SGCZ: variants seen among roughly 807,000 people sequenced by gnomAD.
SGCZ encodes the protein sarcoglycan zeta, also known as zeta-sarcoglycan.
In SGCZ, 40 loss-of-function variants were observed where a neutral mutation model predicts 41.3. The observed-to-expected ratio is 0.97, with a 90% confidence interval of 0.75 to 1.26. The LOEUF is 1.26. Ranked by LOEUF, SGCZ falls within the 50% of genes most tolerant of loss-of-function variation. The pLI is 0.00. For missense variants in SGCZ, 552 were observed against 369.8 expected, an observed-to-expected ratio of 1.49 and a Z score of -4.04; for synonymous variants, 206 against 137.5, an observed-to-expected ratio of 1.50 and a Z score of -3.49.
intron 2 of SGCZ, among the ~76,000 whole-genome samples, chr8:14,419,469 A>G (rs1319756756): frequency 6.6e-6 from 1 of 151,730 alleles, no homozygotes; most frequent in Non-Finnish European, 1.5e-5. Context: ...ATCCTCTATG[A>G]GATTTTTTGT....
At chr8:14,520,211 T>C (rs982713878) in intron 2 of SGCZ, among the ~76,000 whole-genome samples, 38 of 152,018 alleles carry the variant, frequency 2.5e-4, no homozygotes, top group African/African-American at 9.2e-4. Flanking sequence ...TAAAACAAAA[T>C]ATTATTTTTT....
At position 14,814,674 on chromosome 8, in the gene SGCZ, G is replaced by A. The variant is rs1156600983; in HGVS notation, c.40-259748C>T. Among the ~76,000 whole-genome samples the A allele has an allele frequency of 2.6e-5, 4 of 152,240 alleles. No individual in the cohort carries two copies. The East Asian group carries it at 7.7e-4, about 29-fold the overall frequency. ...TGGGAATGAATTTCTTGCCAGCTCGGCAGGTAGGAACTTGGAGAATTTTTT... is the reference window on the plus strand; with the variant it reads ...TGGGAATGAATTTCTTGCCAGCTCGACAGGTAGGAACTTGGAGAATTTTTT... On this transcript the variant is annotated intron_variant, in intron 1 of 7. Transcript: ENST00000382080.
intron 1 of SGCZ, among the ~76,000 whole-genome samples, chr8:14,915,156 A>G (rs976701970): frequency 1.3e-5 from 2 of 152,166 alleles, no homozygotes; most frequent in African/African-American, 4.8e-5. Flanking sequence ...CGTTTTAAAT[A>G]TATATAATGT....
chr8:14,779,834 G>A (rs772271261), intron 1 of SGCZ, among the ~76,000 whole-genome samples: 2 of 152,078 alleles, frequency 1.3e-5, no homozygotes, highest in Non-Finnish European at 2.9e-5. Context: ...GTTTATAGGT[G>A]ATCATTTGAT....
intron 7 of SGCZ, among the ~76,000 whole-genome samples, chr8:14,091,188 A>T (rs1801678977): frequency 6.6e-6 from 1 of 151,392 alleles, no homozygotes; most frequent in South Asian, 2.1e-4. Context: ...ATGGCTGCAT[A>T]GTATTCCATG....
At chr8:15,225,423 G>C (rs1801736368) in intron 1 of SGCZ, among the ~76,000 whole-genome samples, 1 of 152,182 alleles carries the variant, frequency 6.6e-6, no homozygotes. Context: ...TTACAACAGA[G>C]GGAGAGGAAC....
chr8:14,444,579 A>G (rs1273594573), intron 2 of SGCZ, among the ~76,000 whole-genome samples: 4 of 150,200 alleles, frequency 2.7e-5, no homozygotes, highest in East Asian at 4.0e-4. Flanking sequence ...ACCAAACACC[A>G]CATATTCTCA....
intron 3 of SGCZ, among the ~76,000 whole-genome samples, chr8:14,273,264 C>T (rs943454169): frequency 2.6e-5 from 4 of 152,224 alleles, no homozygotes; most frequent in Non-Finnish European, 5.9e-5. Context: ...GTCCTAGGCT[C>T]AGTGCTGCCA....
intron 5 of SGCZ, among the ~76,000 whole-genome samples, chr8:14,156,931 C>G (rs180703799): frequency 2.6e-5 from 4 of 152,188 alleles, no homozygotes; most frequent in African/African-American, 7.2e-5. Flanking sequence ...CTCCAGTTAA[C>G]TTTTTTTATA....
chr8:14,317,278 G>T (rs1801751244), intron 3 of SGCZ, among the ~76,000 whole-genome samples: 1 of 152,020 alleles, frequency 6.6e-6, no homozygotes, highest in East Asian at 1.9e-4. Context: ...TAACAGTGTA[G>T]TCATTAAAAT....
Position 14,389,741 on chromosome 8 carries a change from C to A in SGCZ, c.235-65537G>T, listed in dbSNP as rs1804699189. Among the ~76,000 whole-genome samples, 3 of 151,834 alleles carry A rather than the reference C, an allele frequency of 2.0e-5. No individual in the cohort carries two copies. In the South Asian group the frequency reaches 6.2e-4, roughly 31 times the overall value. On this transcript the variant is annotated intron_variant, in intron 2 of 7. Transcript: ENST00000382080. ...TGAGAATGAAGAAACTCGCAAAGAGCAAACATCTGGCTAAAACTGAGCAAG... is the reference window on the plus strand; with the variant it reads ...TGAGAATGAAGAAACTCGCAAAGAGAAAACATCTGGCTAAAACTGAGCAAG...
chr8:14,096,686 C>A (rs140549318), intron 7 of SGCZ, among the ~76,000 whole-genome samples: 2,593 of 152,220 alleles, frequency 0.017, 78 homozygotes, highest in African/African-American at 0.059. Flanking sequence ...ATGGTACCAG[C>A]TCTTCTTTGT....
chr8:14,203,964 G>C (rs1805536527), intron 4 of SGCZ, among the ~76,000 whole-genome samples: 1 of 152,008 alleles, frequency 6.6e-6, no homozygotes, highest in Non-Finnish European at 1.5e-5. Context: ...GAATTATCTA[G>C]GAAAGGAGTT....
chr8:14,798,313 C>T (rs985465526), intron 1 of SGCZ, among the ~76,000 whole-genome samples: 1 of 152,128 alleles, frequency 6.6e-6, no homozygotes, highest in African/African-American at 2.4e-5. Flanking sequence ...ATAATCCTCT[C>T]CCCACGGTTA....
intron 1 of SGCZ, among the ~76,000 whole-genome samples, chr8:14,647,112 C>T (rs184261942): frequency 6.6e-6 from 1 of 152,002 alleles, no homozygotes; most frequent in Non-Finnish European, 1.5e-5. Context: ...TACTCCAATC[C>T]CCCCAACATC....
chr8:14,797,836 G>T (rs186672454), intron 1 of SGCZ, among the ~76,000 whole-genome samples: 3 of 152,296 alleles, frequency 2.0e-5, no homozygotes, highest in Admixed American at 2.0e-4. Context: ...TGGCTTAAAG[G>T]GGCCAAGGTA....
chr8:14,753,128 G>A (rs188159923), intron 1 of SGCZ, among the ~76,000 whole-genome samples: 20 of 152,166 alleles, frequency 1.3e-4, no homozygotes, highest in Admixed American at 1.2e-3. Context: ...CTAATCTCAC[G>A]TGCATTTCTA....
chr8:14,669,261 A>G (rs1808017844), intron 1 of SGCZ, among the ~76,000 whole-genome samples: 2 of 151,704 alleles, frequency 1.3e-5, no homozygotes, highest in African/African-American at 4.8e-5. Context: ...AGGAGGTGAG[A>G]GGCAGGAGGA....
intron 2 of SGCZ, among the ~76,000 whole-genome samples, chr8:14,492,835 C>T (rs1801879867): frequency 6.6e-6 from 1 of 152,140 alleles, no homozygotes; most frequent in South Asian, 2.1e-4. Flanking sequence ...ATGATATCAA[C>T]CTCTACCTAC....
Sources: allele counts gnomAD v4.1 joint callset (sites outside exome capture counted in the v4.1 genomes callset), GRCh38; gene constraint gnomAD v4.1.1; transcripts MANE v1.5; gene names NCBI Gene and HGNC (gene_info 2026-07-23, HGNC 2026-07-21).